The following GPN1 variants were observed in gnomAD, a reference collection of about 807,000 sequenced individuals.
GPN1 encodes GPN-loop GTPase 1, also known as ATP(GTP)-binding protein.
Under a neutral mutation model 55.9 loss-of-function variants are expected in GPN1, and 44 were observed. That is an observed-to-expected ratio of 0.79 (90% CI 0.62 to 1.01). GPN1 has a LOEUF of 1.01. Ranked by LOEUF, GPN1 falls within the 50% of genes least tolerant of loss-of-function variation. GPN1 has a pLI of 0.00. For missense variants in GPN1, 466 were observed against 462.8 expected, an observed-to-expected ratio of 1.01 and a Z score of -0.06; for synonymous variants, 179 against 162.5, an observed-to-expected ratio of 1.10 and a Z score of -0.77.
chr2:27,628,947 C>T, upstream of GPN1: 9 of 1,548,920 alleles, frequency 5.8e-6, no homozygotes, highest in Non-Finnish European at 7.8e-6. Context: ...CCGCGCCCCT[C>T]ACCCGCTCCT....
intron 5 of GPN1, among the ~76,000 whole-genome samples, chr2:27,634,351 T>G (rs1429566893): frequency 6.6e-6 from 1 of 152,216 alleles, no homozygotes; most frequent in Non-Finnish European, 1.5e-5. Context: ...TTCACCCATT[T>G]AAGGTATACA....
chr2:27,630,984 G>A (rs778134670), intron 2 of GPN1, 43 bp from the exon 3 acceptor site: 45 of 916,380 alleles, frequency 4.9e-5, no homozygotes, highest in Non-Finnish European at 7.9e-5. Context: ...GGTAGGGAAT[G>A]TGTATGTATT....
intron 5 of GPN1, among the ~76,000 whole-genome samples, chr2:27,634,196 G>A (rs1467228627): frequency 1.3e-5 from 2 of 152,026 alleles, no homozygotes. Context: ...CCATTGGTAT[G>A]TATATATTTA....
chr2:27,641,570 A>G (rs990982263), intron 11 of GPN1, among the ~76,000 whole-genome samples: 1 of 152,102 alleles, frequency 6.6e-6, no homozygotes, highest in Non-Finnish European at 1.5e-5. Flanking sequence ...AGAATTTTGT[A>G]TAAGAGTGTA....
In GPN1 at chr2:27,642,435, G is replaced by A. The variant is rs1166172692; in HGVS notation, c.847G>A (p.Ala283Thr). The A allele has an allele frequency of 1.9e-6, 3 of 1,609,096 alleles. No homozygotes were observed. Among genetic ancestry groups the A allele is most frequent in the African/African-American group, 1.3e-5 (1 of 74,710 alleles). Reference protein sequence around the residue: ...YERLKKSLANAESQQQREQLE... With the variant: ...YERLKKSLANTESQQQREQLE... ...TTTTTCTCTGTATATACAGGCCAAC[G>A]CAGAGAGCCAACAGCAGAGAGAACA... The change falls in exon 12 of 14, where the codon GCA becomes ACA. Residue 283 changes from alanine to threonine, a missense_variant. By Grantham distance (58) the Ala-to-Thr change is moderately conservative. Coordinates refer to ENST00000610189, the MANE Select transcript of GPN1 (RefSeq NM_007266.4).
In GPN1 at chr2:27,629,105, C is replaced by A; in HGVS notation, c.47C>A (p.Pro16Gln). Residue 16 changes from proline to glutamine, a missense_variant, in exon 1 of 14, where the codon CCG (proline) becomes CAG (glutamine). Transcript: ENST00000610189. Reference sequence around the variant, plus strand: ...GCTGAGCTCCAGGCTTCTGGGGGTCCGCGGCACCCAGTGTGTCTGTTGGTG... The same window carrying A: ...GCTGAGCTCCAGGCTTCTGGGGGTCAGCGGCACCCAGTGTGTCTGTTGGTG... ...AAAELQASGG[P>Q]RHPVCLLVLG... The A allele has an allele frequency of 6.2e-7, 1 of 1,614,164 alleles. No homozygotes were observed. The highest frequency in any genetic ancestry group is 1.1e-5 in the South Asian group (1 of 91,082).
Position 27,651,206 on chromosome 2 carries a change from A to T in GPN1, c.*1006A>T, listed in dbSNP as rs1674528884. On this transcript the variant is annotated 3_prime_UTR_variant, in exon 14 of 14. Transcript: ENST00000610189. Reference sequence around the variant, plus strand: ...TCAAAGAATTTTATCTCTATGAGTCAGTACTCCAACTTAGTGGTTCTCACA... The same window carrying T: ...TCAAAGAATTTTATCTCTATGAGTCTGTACTCCAACTTAGTGGTTCTCACA... The T allele has an allele frequency of 6.6e-6, 1 of 152,312 alleles. No homozygotes were observed. 9.4% of individuals were successfully genotyped at this position (152,312 alleles called of 1,614,324 possible).
rs114052165 is a variant in GPN1 at position 27,633,386 on chromosome 2, A to G, written c.350+716A>G. On this transcript the variant is annotated intron_variant, in intron 5 of 13. Coordinates refer to ENST00000610189, the MANE Select transcript of GPN1 (RefSeq NM_007266.4). ...AGTGTAGTGATCTCAGCTCACTGTA[A>G]CTTCCACCTCCCTGGCTCAGGTGAT... 9.9e-3 allele frequency among the ~76,000 whole-genome samples: 1,506 copies of G among 152,210 alleles called. 23 individuals carry two copies. Among genetic ancestry groups the G allele is most frequent in the African/African-American group, 0.033 (1,389 of 41,530 alleles).
chr2:27,646,379 A>G (rs1558492708), intron 12 of GPN1, among the ~76,000 whole-genome samples: 3 of 152,198 alleles, frequency 2.0e-5, no homozygotes, highest in Admixed American at 2.0e-4. Context: ...AACCTTCTTC[A>G]TTACTGTTGA....
chr2:27,629,837 C>T (rs755986608), intron 1 of GPN1, 22 bp from the exon 2 acceptor site: 2 of 1,363,146 alleles, frequency 1.5e-6, no homozygotes, highest in Admixed American at 1.7e-5. Flanking sequence ...CTCCTTCCAA[C>T]CCTCTCCCCA....
At chr2:27,641,184 G>A (rs540945539) in intron 10 of GPN1, 56 bp from the exon 11 acceptor site, 4 of 1,110,430 alleles carry the variant, frequency 3.6e-6, no homozygotes, top group Non-Finnish European at 4.1e-6. Flanking sequence ...GGGATGTGGA[G>A]AGTCAGTAGG....
At chr2:27,647,487 C>G (rs1674293531) in intron 12 of GPN1, among the ~76,000 whole-genome samples, 1 of 152,188 alleles carries the variant, frequency 6.6e-6, no homozygotes, top group Non-Finnish European at 1.5e-5. Flanking sequence ...CACCAGCACA[C>G]TGGATCTGCT....
In GPN1 at chr2:27,643,705, A is replaced by T. The variant is rs1164285368; in HGVS notation, c.931+1186A>T. 6.6e-6 allele frequency among the ~76,000 whole-genome samples: 1 copy of T among 152,164 alleles called. No individual in the cohort carries two copies. Among genetic ancestry groups the T allele is most frequent in the Non-Finnish European group, 1.5e-5 (1 of 68,024 alleles). On this transcript the variant is annotated intron_variant, in intron 12 of 13. Coordinates refer to ENST00000610189, the MANE Select transcript of GPN1 (RefSeq NM_007266.4). The surrounding 1 kb of genome is among the most constrained non-coding windows in gnomAD (Gnocchi z 4.0). The stretch of plus-strand genomic sequence containing the variant: ...ATGTAGGATAGTTATTTTATAGAGC[A>T]TCCTTCAGTTTAGGTTTGTCTCATG...
Position 27,635,131 on chromosome 2 carries a change from T to C in GPN1, c.430-9T>C. 1 of 1,519,718 alleles carries C rather than the reference T, an allele frequency of 6.6e-7. No individual in the cohort carries two copies. The highest frequency in any genetic ancestry group is 9.1e-7 in the Non-Finnish European group (1 of 1,097,568). 94.1% of individuals were successfully genotyped at this position (1,519,718 alleles called of 1,614,324 possible). On this transcript the variant is annotated splice_polypyrimidine_tract_variant and intron_variant, in intron 6 of 13. Coordinates refer to ENST00000610189, the MANE Select transcript of GPN1 (RefSeq NM_007266.4). ...TCTGACCAAGGCTTTGATTTTTTTGTGGCTTTAGGCATCCTCATTTCCAAC... is the reference window on the plus strand; with the variant it reads ...TCTGACCAAGGCTTTGATTTTTTTGCGGCTTTAGGCATCCTCATTTCCAAC...
At chr2:27,629,005 G>A (rs756842197), upstream of GPN1, 1 of 1,610,296 alleles carries the variant, frequency 6.2e-7, no homozygotes, top group Non-Finnish European at 8.5e-7. Flanking sequence ...CATTGCGGAA[G>A]TTTCTCTACC....
At chr2:27,635,897 TAAG>T (rs1673715829) in intron 7 of GPN1, among the ~76,000 whole-genome samples, 1 of 151,980 alleles carries the variant, frequency 6.6e-6, no homozygotes, top group Admixed American at 6.5e-5. Context: ...ATACCATGAA[TAAG>T]AAGATTTATC....
chr2:27,630,314 T>G (rs1673488995), intron 2 of GPN1, among the ~76,000 whole-genome samples: 1 of 151,866 alleles, frequency 6.6e-6, no homozygotes, highest in South Asian at 2.1e-4. Flanking sequence ...CTTCAGTGCC[T>G]TCTTTTTTCA....
intron 10 of GPN1, among the ~76,000 whole-genome samples, chr2:27,640,767 C>A (rs1025388093): frequency 1.3e-5 from 2 of 152,176 alleles, no homozygotes; most frequent in Non-Finnish European, 2.9e-5. Flanking sequence ...TTGCAAGATC[C>A]TAACAACCAT....
At chr2:27,630,380 G>A (rs768030727) in intron 2 of GPN1, among the ~76,000 whole-genome samples, 7 of 142,824 alleles carry the variant, frequency 4.9e-5, no homozygotes, top group African/African-American at 7.7e-5. Context: ...TTCCTAAACA[G>A]CTTAGGTTTT....
Sources: gnomAD v4.1 joint callset for allele counts (sites outside exome capture counted in the v4.1 genomes callset) on GRCh38, gnomAD v4.1.1 for gene constraint, Gnocchi (gnomAD v3.1) non-coding constraint, MANE v1.5 for transcripts, NCBI Gene and HGNC (gene_info 2026-07-23, HGNC 2026-07-21) for gene names.